GPR39: variants seen among roughly 807,000 people sequenced by gnomAD.
GPR39 encodes zinc sensing receptor.
In GPR39, 23 loss-of-function variants were observed where a neutral mutation model predicts 18.4. The ratio of observed to expected loss-of-function variants is 1.25; its 90% CI spans 0.90 to 1.77. GPR39 has a LOEUF of 1.77. GPR39 is among the 40% of genes most tolerant of loss of function. The pLI, the probability that GPR39 is intolerant of heterozygous loss-of-function variation, is 0.00. For synonymous variants in GPR39, 280 were observed against 257.9 expected (o/e 1.09, Z -0.82); for missense variants, 647 against 602.4 (o/e 1.07, Z -0.78).
intron 1 of GPR39, among the ~76,000 whole-genome samples, chr2:132,635,451 G>A (rs369872708): frequency 1.3e-5 from 2 of 152,182 alleles, no homozygotes; most frequent in South Asian, 4.1e-4. Context: ...GTCAAGGAAG[G>A]CTCCCTGGAA....
chr2:132,631,824 CTTT>C (rs796381645), intron 1 of GPR39, among the ~76,000 whole-genome samples: 1 of 141,854 alleles, frequency 7.0e-6, no homozygotes, highest in Non-Finnish European at 1.5e-5. Context: ...TCTTCTTCTT[CTTT>C]TTTTTTTTTT....
intron 1 of GPR39, among the ~76,000 whole-genome samples, chr2:132,551,733 C>T (rs772115397): frequency 3.9e-5 from 6 of 152,190 alleles, no homozygotes; most frequent in Admixed American, 6.5e-5. Flanking sequence ...ATTTCAACTT[C>T]TGAAATGTAG....
chr2:132,591,237 G>A (rs1346471178), intron 1 of GPR39, among the ~76,000 whole-genome samples: 5 of 134,004 alleles, frequency 3.7e-5, no homozygotes, highest in Non-Finnish European at 6.2e-5. Context: ...CGGCCTGGGC[G>A]ACAGAGCGAG....
chr2:132,437,260 G>T (rs1448932620), intron 1 of GPR39, among the ~76,000 whole-genome samples: 2 of 152,212 alleles, frequency 1.3e-5, no homozygotes, highest in Non-Finnish European at 2.9e-5. Flanking sequence ...AGTGCATTTT[G>T]ATCTTTTCTC....
intron 1 of GPR39, among the ~76,000 whole-genome samples, chr2:132,486,911 C>T (rs1216545940): frequency 6.6e-6 from 1 of 152,196 alleles, no homozygotes; most frequent in Non-Finnish European, 1.5e-5. Context: ...AACTTTCAGC[C>T]TAACTCGGCT....
intron 1 of GPR39, among the ~76,000 whole-genome samples, chr2:132,458,808 C>A (rs188265257): frequency 6.6e-6 from 1 of 152,196 alleles, no homozygotes; most frequent in African/African-American, 2.4e-5. Flanking sequence ...TCCTTTTAGC[C>A]TTCACCTCTG....
chr2:132,601,982 G>A lies in GPR39; in HGVS notation c.857-43119G>A, dbSNP rs566265493. Among the ~76,000 whole-genome samples the A allele has an allele frequency of 2.2e-4, 34 of 151,718 alleles. 1 individual carries two copies. In the South Asian group the frequency reaches 5.0e-3, roughly 22 times the overall value. ...TGTTAAAATGACAATACTACCCAAA[G>A]CAAGCTACAGATCTCTATCAAAATA... is the stretch of plus-strand genomic sequence containing the variant. On this transcript the variant is annotated intron_variant, in intron 1 of 1. Coordinates refer to ENST00000329321, the MANE Select transcript of GPR39 (RefSeq NM_001508.3).
intron 1 of GPR39, among the ~76,000 whole-genome samples, chr2:132,542,759 T>C (rs1032081386): frequency 3.3e-5 from 5 of 151,658 alleles, no homozygotes; most frequent in African/African-American, 1.2e-4. Context: ...AACAGAAGCT[T>C]GGGTTATGGG....
intron 1 of GPR39, among the ~76,000 whole-genome samples, chr2:132,565,543 C>A (rs1372464161): frequency 4.3e-5 from 5 of 117,324 alleles, no homozygotes; most frequent in Non-Finnish European, 8.7e-5. Context: ...AATGCCATCC[C>A]TCCCCCCTCC....
rs542188795 is a variant in GPR39 at position 132,578,381 on chromosome 2, A to G, written c.857-66720A>G. The stretch of plus-strand genomic sequence containing the variant: ...TGATTTTGGTGTTAGCATAAAACCA[A>G]CAACATAAAATGAACTGGGAAGTAT... On this transcript the variant is annotated intron_variant, in intron 1 of 1. Coordinates refer to ENST00000329321, the MANE Select transcript of GPR39 (RefSeq NM_001508.3). 1.4e-3 allele frequency among the ~76,000 whole-genome samples: 213 copies of G among 152,280 alleles called. No individual in the cohort carries two copies. The South Asian group carries it at 0.025, about 18-fold the overall frequency.
At chr2:132,447,240 T>G (rs949812960) in intron 1 of GPR39, among the ~76,000 whole-genome samples, 2 of 152,166 alleles carry the variant, frequency 1.3e-5, no homozygotes, top group African/African-American at 4.8e-5. Flanking sequence ...TCATATATAG[T>G]TAATTTAAAG....
intron 1 of GPR39, among the ~76,000 whole-genome samples, chr2:132,564,065 G>C (rs1277482430): frequency 6.6e-6 from 1 of 152,200 alleles, no homozygotes. Context: ...ACCTTGAAAA[G>C]AAAATCCATT....
intron 1 of GPR39, among the ~76,000 whole-genome samples, chr2:132,600,220 T>C (rs1681014815): frequency 6.6e-6 from 1 of 152,098 alleles, no homozygotes; most frequent in Non-Finnish European, 1.5e-5. Flanking sequence ...AGAAACACAA[T>C]ATACAAAACC....
chr2:132,451,522 C>T (rs919620634), intron 1 of GPR39, among the ~76,000 whole-genome samples: 1 of 152,086 alleles, frequency 6.6e-6, no homozygotes, highest in Non-Finnish European at 1.5e-5. Context: ...GTTTGGGACA[C>T]CAAGCAGCAA....
chr2:132,632,316 G>T (rs115226081), intron 1 of GPR39, among the ~76,000 whole-genome samples: 286 of 152,204 alleles, frequency 1.9e-3, no homozygotes, highest in African/African-American at 6.7e-3. Context: ...AAAGTTTATT[G>T]TGTTTCCCTT....
chr2:132,507,326 A>G (rs1679153075), intron 1 of GPR39, among the ~76,000 whole-genome samples: 1 of 152,224 alleles, frequency 6.6e-6, no homozygotes, highest in African/African-American at 2.4e-5. Context: ...CTTAAAAGAG[A>G]TAGAAGAAGT....
chr2:132,558,429 A>G (rs73957923), intron 1 of GPR39, among the ~76,000 whole-genome samples: 2 of 152,080 alleles, frequency 1.3e-5, no homozygotes, highest in South Asian at 4.1e-4. Flanking sequence ...TTGACAAATT[A>G]TTTTTTGAGG....
chr2:132,586,817 C>T (rs1418554060), intron 1 of GPR39, among the ~76,000 whole-genome samples: 1 of 152,194 alleles, frequency 6.6e-6, no homozygotes, highest in Non-Finnish European at 1.5e-5. Flanking sequence ...TTCTCGATGT[C>T]TTTCTTCATG....
chr2:132,442,408 G>A lies in GPR39; in HGVS notation c.856+24510G>A, dbSNP rs1359031166. The stretch of plus-strand genomic sequence containing the variant: ...TATGGCTGGGCGTGGGGGTGGAGGG[G>A]GGCTCCTTTCCTGTAAAGAGCACAC... On this transcript the variant is annotated intron_variant, in intron 1 of 1. Coordinates refer to ENST00000329321, the MANE Select transcript of GPR39 (RefSeq NM_001508.3). Among the ~76,000 whole-genome samples the A allele has an allele frequency of 5.9e-5, 9 of 152,052 alleles. 1 individual carries two copies. Among genetic ancestry groups the A allele is most frequent in the African/African-American group, 1.7e-4 (7 of 41,406 alleles).
Sources: allele counts gnomAD v4.1 joint callset (sites outside exome capture counted in the v4.1 genomes callset), GRCh38; gene constraint gnomAD v4.1.1; transcripts MANE v1.5; gene names NCBI Gene and HGNC (gene_info 2026-07-23, HGNC 2026-07-21).